The following DGKB variants were observed in gnomAD, a reference collection of about 807,000 sequenced individuals.
The protein encoded by DGKB is 90 kDa diacylglycerol kinase.
DGKB carries 67 observed loss-of-function variants against 114.3 expected under a neutral mutation model. That is an observed-to-expected ratio of 0.59 (90% CI 0.48 to 0.72). The LOEUF is 0.72. Among genes scored for constraint, DGKB ranks in the 30% least tolerant of loss-of-function variants. DGKB has a pLI of 0.00. For synonymous variants in DGKB, 398 were observed against 323.1 expected (o/e 1.23, Z -2.49); for missense variants, 907 against 975.2 (o/e 0.93, Z 0.93).
Position 14,411,659 on chromosome 7 carries a change from GA to G in DGKB, c.1836-66269del, listed in dbSNP as rs1399216853. 2.8e-4 allele frequency among the ~76,000 whole-genome samples: 3 copies of G among 10,646 alleles called. 1 individual carries two copies. Among genetic ancestry groups the G allele is most frequent in the East Asian group, 3.3e-3 (2 of 614 alleles). 7.0% of individuals were successfully genotyped at this position (10,646 alleles called of 152,430 possible). On this transcript the variant is annotated intron_variant, in intron 21 of 25. Transcript: ENST00000402815. ...CAACCATCTTTCAAGGTGGCTGTAA[GA>G]TAAACAGTATAATACACACATCTTA...
At chr7:14,791,405 T>A (rs569006348) in intron 2 of DGKB, among the ~76,000 whole-genome samples, 8 of 151,226 alleles carry the variant, frequency 5.3e-5, no homozygotes, top group South Asian at 4.1e-4. Context: ...ATAATTTTTT[T>A]ATTTTCTTTA....
intron 23 of DGKB, among the ~76,000 whole-genome samples, chr7:14,310,988 T>C (rs1805296458): frequency 6.6e-6 from 1 of 151,886 alleles, no homozygotes; most frequent in Admixed American, 6.6e-5. Flanking sequence ...ATTAGCCAGA[T>C]GTGGTGGTGT....
intron 21 of DGKB, among the ~76,000 whole-genome samples, chr7:14,359,184 C>G (rs1387431076): frequency 6.6e-6 from 1 of 152,142 alleles, no homozygotes; most frequent in East Asian, 1.9e-4. Context: ...ACCAACTGAT[C>G]TTTGACAAAC....
intron 2 of DGKB, among the ~76,000 whole-genome samples, chr7:14,809,607 G>A (rs1438362225): frequency 6.6e-6 from 1 of 151,702 alleles, no homozygotes; most frequent in Admixed American, 6.6e-5. Context: ...ATAACACTGG[G>A]ACAATATTTT....
At chr7:14,731,891 G>A (rs964235590) in intron 5 of DGKB, among the ~76,000 whole-genome samples, 1 of 152,076 alleles carries the variant, frequency 6.6e-6, no homozygotes, top group South Asian at 2.1e-4. Flanking sequence ...ATGCATTAGC[G>A]ATATCTTCAA....
intron 2 of DGKB, among the ~76,000 whole-genome samples, chr7:14,800,100 T>G (rs1260931466): frequency 6.6e-6 from 1 of 152,126 alleles, no homozygotes; most frequent in Non-Finnish European, 1.5e-5. Flanking sequence ...GTGTTTTTAG[T>G]AGAGATGGGG....
At chr7:14,176,657 G>T in intron 25 of DGKB, 182 bp downstream of exon 25, 1 of 1,338,112 alleles carries the variant, frequency 7.5e-7, no homozygotes, top group East Asian at 2.7e-5. Flanking sequence ...TCATTGCCAA[G>T]GGTATATAAT....
intron 21 of DGKB, among the ~76,000 whole-genome samples, chr7:14,414,949 C>G (rs891016643): frequency 1.3e-5 from 2 of 151,834 alleles, no homozygotes; most frequent in Non-Finnish European, 2.9e-5. Flanking sequence ...GAAGAAAGCA[C>G]CTAGTCATTT....
intron 1 of DGKB, among the ~76,000 whole-genome samples, chr7:14,940,447 CT>C (rs1339099052): frequency 6.6e-6 from 1 of 151,214 alleles, no homozygotes; most frequent in Non-Finnish European, 1.5e-5. Context: ...GAACAGAATT[CT>C]TTTTTTCTGG....
intron 1 of DGKB, among the ~76,000 whole-genome samples, chr7:14,942,794 C>T (rs904854682): frequency 2.0e-5 from 3 of 151,932 alleles, no homozygotes; most frequent in African/African-American, 7.2e-5. Flanking sequence ...ATATTTTTTT[C>T]AAAAGTCTTC....
intron 10 of DGKB, among the ~76,000 whole-genome samples, 193 bp downstream of exon 10, chr7:14,685,052 G>C (rs923207769): frequency 6.6e-6 from 1 of 151,944 alleles, no homozygotes; most frequent in Non-Finnish European, 1.5e-5. Flanking sequence ...TTTTTCCAAC[G>C]GTAGGTTTTT....
intron 1 of DGKB, among the ~76,000 whole-genome samples, chr7:14,929,521 C>A (rs1376189500): frequency 6.6e-6 from 1 of 152,076 alleles, no homozygotes; most frequent in Non-Finnish European, 1.5e-5. Context: ...TGTATGCCTT[C>A]TTTTGGAAAA....
At chr7:14,502,214 T>C (rs1186119708) in intron 20 of DGKB, among the ~76,000 whole-genome samples, 1 of 152,024 alleles carries the variant, frequency 6.6e-6, no homozygotes, top group Non-Finnish European at 1.5e-5. Context: ...AAAAACCAGC[T>C]TTCACATAAG....
At chr7:14,899,065 T>C (rs1246884923) in intron 1 of DGKB, among the ~76,000 whole-genome samples, 2 of 152,184 alleles carry the variant, frequency 1.3e-5, no homozygotes, top group African/African-American at 2.4e-5. Flanking sequence ...CATAACATTT[T>C]CACTTTATTC....
chr7:14,559,591 T>G (rs559458937), intron 20 of DGKB, among the ~76,000 whole-genome samples: 1 of 152,338 alleles, frequency 6.6e-6, no homozygotes, highest in African/African-American at 2.4e-5. Flanking sequence ...ATACAATTTA[T>G]TTTTAGAAAA....
chr7:14,205,953 A>C (rs1786732367), intron 23 of DGKB, among the ~76,000 whole-genome samples: 1 of 152,070 alleles, frequency 6.6e-6, no homozygotes, highest in East Asian at 1.9e-4. Context: ...AGGTAGATAG[A>C]AGCAAGAAAA....
chr7:14,426,559 TC>T (rs761230683), intron 21 of DGKB, among the ~76,000 whole-genome samples: 3 of 152,104 alleles, frequency 2.0e-5, no homozygotes, highest in Non-Finnish European at 4.4e-5. Flanking sequence ...TTTAATGCTG[TC>T]CCACTGCTAC....
intron 23 of DGKB, among the ~76,000 whole-genome samples, chr7:14,294,684 G>A (rs1802262936): frequency 6.6e-6 from 1 of 151,958 alleles, no homozygotes; most frequent in Admixed American, 6.6e-5. Flanking sequence ...TCTTTTTATA[G>A]AACTTCCTCA....
chr7:14,297,555 C>G (rs1434351917), intron 23 of DGKB, among the ~76,000 whole-genome samples: 1 of 152,072 alleles, frequency 6.6e-6, no homozygotes, highest in Admixed American at 6.6e-5. Context: ...AAACGTATCT[C>G]AAAATAATAA....
Sources: gnomAD v4.1 joint callset for allele counts (sites outside exome capture counted in the v4.1 genomes callset) on GRCh38, gnomAD v4.1.1 for gene constraint, MANE v1.5 for transcripts, NCBI Gene and HGNC (gene_info 2026-07-23, HGNC 2026-07-21) for gene names.